ARRB2: variants seen among roughly 807,000 people sequenced by gnomAD.
ARRB2 encodes arrestin beta 2.
A neutral mutation model predicts 53.4 loss-of-function variants in ARRB2; 21 were observed. The observed-to-expected ratio is 0.39, with a 90% CI of 0.28 to 0.57. The LOEUF (loss-of-function observed/expected upper bound fraction) is 0.57. Among genes scored for constraint, ARRB2 ranks in the 20% least tolerant of loss-of-function variants. The pLI, the probability that ARRB2 is intolerant of heterozygous loss-of-function variation, is 0.55. For missense variants in ARRB2, 369 were observed against 527.5 expected (o/e 0.70, Z 2.94); for synonymous variants, 180 against 212.9 (o/e 0.85, Z 1.34).
In ARRB2 at chr17:4,717,654, G is replaced by C. The variant is rs1211159326; in HGVS notation, c.418-31G>C. The C allele has an allele frequency of 4.3e-6, 7 of 1,613,704 alleles. No homozygotes were observed. Among genetic ancestry groups the C allele is most frequent in the Non-Finnish European group, 5.9e-6 (7 of 1,179,918 alleles). ...GCAGTGATGGTGGCGGGAGCCTCCG[G>C]TAAGATGTGGCCTTTTCTCCCCTCC... On this transcript the variant is annotated intron_variant, in intron 6 of 14. Transcript: ENST00000269260. This position sits in a 1 kb window ranked among gnomAD's most constrained non-coding sequence, Gnocchi z 6.0.
Position 4,717,079 on chromosome 17 carries a change from C to T in ARRB2, c.358-138C>T, listed in dbSNP as rs1915150178. The T allele has an allele frequency of 1.0e-6, 1 of 1,000,128 alleles. No homozygotes were observed. The highest frequency in any genetic ancestry group is 1.8e-5 in the Admixed American group (1 of 55,568). 62.0% of individuals were successfully genotyped at this position (1,000,128 alleles called of 1,614,324 possible). On this transcript the variant is annotated intron_variant, in intron 5 of 14. Coordinates refer to ENST00000269260, the MANE Select transcript of ARRB2 (RefSeq NM_004313.4). This position sits in a 1 kb window ranked among gnomAD's most constrained non-coding sequence, Gnocchi z 6.0. The stretch of plus-strand genomic sequence containing the variant: ...GAACCCCTGACCTCAGGTGATCCGC[C>T]CACCTTAGCCTTCCAAAGTGTTGGG...
At chr17:4,714,003 C>T (rs1037144674) in intron 1 of ARRB2, among the ~76,000 whole-genome samples, 1 of 152,166 alleles carries the variant, frequency 6.6e-6, no homozygotes, top group African/African-American at 2.4e-5. Flanking sequence ...ATTTGAAACA[C>T]TTGGAACAGT....
rs777086124 is a variant in ARRB2 at position 4,717,976 on chromosome 17, C to T, written c.574C>T (p.Leu192Phe). ...TTCAGCCGAAACCACACGCCACTTCCTCATGTCTGACCGGTCCCTGCACCT... is the reference window on the plus strand; with the variant it reads ...TTCAGCCGAAACCACACGCCACTTCTTCATGTCTGACCGGTCCCTGCACCT... Reference protein sequence around the residue: ...QPSAETTRHFLMSDRSLHLEA... With the variant: ...QPSAETTRHFFMSDRSLHLEA... Residue 192 changes from leucine (L) to phenylalanine (F), a missense_variant, in exon 8 of 15, where the codon CTC (leucine) becomes TTC (phenylalanine). Leu to Phe is a conservative substitution (Grantham distance 22). Transcript: ENST00000269260. This position sits in a 1 kb window ranked among gnomAD's most constrained non-coding sequence, Gnocchi z 6.0. 1 of 1,613,772 alleles carries T rather than the reference C, an allele frequency of 6.2e-7. No individual in the cohort carries two copies. Among genetic ancestry groups the T allele is most frequent in the Non-Finnish European group, 8.5e-7 (1 of 1,180,038 alleles).
chr17:4,715,175 G>C, intron 2 of ARRB2, 132 bp downstream of exon 2: 1 of 1,074,358 alleles, frequency 9.3e-7, no homozygotes. Flanking sequence ...TGACAGCTAA[G>C]CGCCGACTTC....
At chr17:4,718,747 A>T in intron 10 of ARRB2, 63 bp downstream of exon 10, 31 of 1,285,988 alleles carry the variant, frequency 2.4e-5, no homozygotes, top group Non-Finnish European at 2.9e-5. Flanking sequence ...GGAGAATGTG[A>T]GGTGGAGGAA....
At chr17:4,715,156 C>T (rs1184164844) in intron 2 of ARRB2, 113 bp downstream of exon 2, 1 of 1,251,020 alleles carries the variant, frequency 8.0e-7, no homozygotes, top group Admixed American at 2.5e-5. Flanking sequence ...CCTAGCTCCC[C>T]ACTTCCTGTG....
In ARRB2 at chr17:4,720,568, C is replaced by T. The variant is rs1213822860; in HGVS notation, c.1082-18C>T. The T allele has an allele frequency of 6.3e-7, 1 of 1,576,406 alleles. No homozygotes were observed. The highest frequency in any genetic ancestry group is 8.6e-7 in the Non-Finnish European group (1 of 1,164,280). The stretch of plus-strand genomic sequence containing the variant: ...CTTCCAGCACCCACCCCCACACCCC[C>T]TCTTCCCGTCCCCCCAGCCGCTCCG... On this transcript the variant is annotated intron_variant, in intron 13 of 14. Transcript: ENST00000269260.
In ARRB2 at chr17:4,710,656, A is replaced by G; in HGVS notation, c.-66A>G. ...CGCATTGGCGCGGGGAGGAGCAGGGATCTTGGCAGCGGGCGAGGAGGCTGC... is the reference window on the plus strand; with the variant it reads ...CGCATTGGCGCGGGGAGGAGCAGGGGTCTTGGCAGCGGGCGAGGAGGCTGC... On this transcript the variant is annotated 5_prime_UTR_variant, in exon 1 of 15. Coordinates refer to ENST00000269260, the MANE Select transcript of ARRB2 (RefSeq NM_004313.4). The G allele has an allele frequency of 2.5e-6, 1 of 398,288 alleles. No homozygotes were observed. The highest frequency in any genetic ancestry group is 4.4e-6 in the Non-Finnish European group (1 of 225,984). 24.7% of individuals were successfully genotyped at this position (398,288 alleles called of 1,614,324 possible).
chr17:4,721,085 G>A lies in ARRB2; in HGVS notation c.*46G>A. 1 of 1,577,204 alleles carries A rather than the reference G, an allele frequency of 6.3e-7. No homozygotes were observed. The highest frequency in any genetic ancestry group is 1.3e-5 in the African/African-American group (1 of 74,188). ...GAGGGGATGGGGTTGGGAGAGGTGAGGGCAGGATTAAGATCCCCACTGTCA... is the reference window on the plus strand; with the variant it reads ...GAGGGGATGGGGTTGGGAGAGGTGAAGGCAGGATTAAGATCCCCACTGTCA... On this transcript the variant is annotated 3_prime_UTR_variant, in exon 15 of 15. Transcript: ENST00000269260. This position sits in a 1 kb window ranked among gnomAD's most constrained non-coding sequence, Gnocchi z 4.2.
intron 10 of ARRB2, 96 bp downstream of exon 10, chr17:4,718,780 A>T: frequency 9.5e-7 from 1 of 1,048,746 alleles, no homozygotes; most frequent in South Asian, 1.7e-5. Context: ...AGCCATCTCC[A>T]CCTTTTTTTT....
intron 2 of ARRB2, 35 bp downstream of exon 2, chr17:4,715,078 C>T (rs1914807105): frequency 6.3e-7 from 1 of 1,597,976 alleles, no homozygotes; most frequent in Non-Finnish European, 8.5e-7. Flanking sequence ...TTTGACCCTC[C>T]CTGGGCCCCA....
Position 4,719,316 on chromosome 17 carries a change from G to A in ARRB2, c.813G>A (p.Lys271=), listed in dbSNP as rs748214945. Residue 271 remains lysine, a synonymous_variant, in exon 11 of 15, where the codon AAG becomes AAA. Coordinates refer to ENST00000269260, the MANE Select transcript of ARRB2 (RefSeq NM_004313.4). ...TATCTCCCAGCTCCACATTCTGTAA[G>A]GTGTACACCATAACCCCACTGCTCA... ...DQVSPSSTFC[K]VYTITPLLSD... is the part of the protein sequence containing the mutation. The A allele has an allele frequency of 4.8e-5, 78 of 1,613,922 alleles. No homozygotes were observed. Among genetic ancestry groups the A allele is most frequent in the Non-Finnish European group, 5.9e-5 (70 of 1,179,974 alleles).
intron 11 of ARRB2, 27 bp from the exon 12 acceptor site, chr17:4,720,189 G>C: frequency 6.3e-7 from 1 of 1,595,752 alleles, no homozygotes; most frequent in African/African-American, 1.3e-5. Context: ...ATAGGCCCTG[G>C]TCTGACTCCA....
At chr17:4,714,525 G>A (rs530585716) in intron 1 of ARRB2, 230 of 220,262 alleles carry the variant, frequency 1.0e-3, no homozygotes, top group Non-Finnish European at 1.6e-3. Flanking sequence ...TTACTGGGGA[G>A]GGAAGGGGAC....
chr17:4,717,652 C>T lies in ARRB2; in HGVS notation c.418-33C>T, dbSNP rs762432944. 14 of 1,613,618 alleles carry T rather than the reference C, an allele frequency of 8.7e-6. No individual in the cohort carries two copies. Among genetic ancestry groups the T allele is most frequent in the South Asian group, 2.2e-5 (2 of 91,074 alleles). On this transcript the variant is annotated intron_variant, in intron 6 of 14. Coordinates refer to ENST00000269260, the MANE Select transcript of ARRB2 (RefSeq NM_004313.4). The surrounding 1 kb of genome is among the most constrained non-coding windows in gnomAD (Gnocchi z 6.0). ...GGGCAGTGATGGTGGCGGGAGCCTC[C>T]GGTAAGATGTGGCCTTTTCTCCCCT...
rs111935802 is a variant in ARRB2, at chr17:4,717,957, C to G, written c.555C>G (p.Ala185=). The change falls in exon 8 of 15, where the codon GCC becomes GCG. Residue 185 remains alanine, a synonymous_variant. Transcript: ENST00000269260. This position sits in a 1 kb window ranked among gnomAD's most constrained non-coding sequence, Gnocchi z 6.0. ...AGAAACCCGGCCCCCAGCCTTCAGC[C>G]GAAACCACACGCCACTTCCTCATGT... ...APEKPGPQPS[A]ETTRHFLMSD... is the part of the protein sequence containing the mutation. The G allele has an allele frequency of 1.1e-5, 17 of 1,613,666 alleles. No homozygotes were observed. In the South Asian group the frequency reaches 1.8e-4, roughly 17 times the overall value.
chr17:4,719,444 C>T lies in ARRB2; in HGVS notation c.917+24C>T, dbSNP rs777927134. 4.3e-6 allele frequency: 7 copies of T among 1,610,728 alleles called. No homozygotes were observed. In the African/African-American group the frequency reaches 9.3e-5, roughly 22 times the overall value. ...ATGTGAGGGTGGGGCTGGGGCGGGT[C>T]CCCTGCAGGCCAGGGGCCAGACGTC... On this transcript the variant is annotated intron_variant, in intron 11 of 14. Coordinates refer to ENST00000269260, the MANE Select transcript of ARRB2 (RefSeq NM_004313.4).
intron 1 of ARRB2, among the ~76,000 whole-genome samples, chr17:4,713,546 G>T (rs1354289602): frequency 1.3e-5 from 2 of 151,604 alleles, no homozygotes; most frequent in African/African-American, 4.9e-5. Context: ...CAGGAGAATG[G>T]CGTGAACCCG....
chr17:4,715,896 G>A, intron 2 of ARRB2, 77 bp from the exon 3 acceptor site: 1 of 1,547,634 alleles, frequency 6.5e-7, no homozygotes, highest in Non-Finnish European at 8.9e-7. Context: ...TCCCCGGGCA[G>A]GGCAGCCAGT....
Sources: allele counts gnomAD v4.1 joint callset (sites outside exome capture counted in the v4.1 genomes callset), GRCh38; gene constraint gnomAD v4.1.1; non-coding constraint Gnocchi (gnomAD v3.1); transcripts MANE v1.5; gene names NCBI Gene and HGNC (gene_info 2026-07-23, HGNC 2026-07-21).